Variants in ITGB6 observed in about 807,000 individuals in gnomAD.
The protein encoded by ITGB6 is integrin subunit beta 6.
In ITGB6, 80 loss-of-function variants were observed where a neutral mutation model predicts 84.5. The observed-to-expected ratio is 0.95, with a 90% CI of 0.79 to 1.14. ITGB6 has a LOEUF of 1.14. ITGB6 is among the 50% of genes most tolerant of loss of function. The probability of loss-of-function intolerance (pLI) is 0.00; values close to 1 mark genes in which losing one functional copy is unlikely to be tolerated. For missense variants in ITGB6, 1,006 were observed against 968.0 expected (o/e 1.04, Z -0.52); for synonymous variants, 383 against 354.9 (o/e 1.08, Z -0.89).
chr2:160,145,311 G>A (rs2105829360), intron 7 of ITGB6, among the ~76,000 whole-genome samples: 1 of 152,246 alleles, frequency 6.6e-6, no homozygotes, highest in South Asian at 2.1e-4. Flanking sequence ...TCTATCTGCA[G>A]ATTAACCGAA....
chr2:160,123,442 C>T (rs1331524165), intron 12 of ITGB6, among the ~76,000 whole-genome samples: 1 of 152,116 alleles, frequency 6.6e-6, no homozygotes, highest in Non-Finnish European at 1.5e-5. Context: ...AGGGTGAATT[C>T]AGGTTTGGGG....
In ITGB6 at chr2:160,107,839, G is replaced by A. The variant is rs369122182; in HGVS notation, c.2108C>T (p.Pro703Leu). The A allele has an allele frequency of 5.8e-5, 92 of 1,591,266 alleles. No individual in the cohort carries two copies. Among genetic ancestry groups the A allele is most frequent in the Non-Finnish European group, 2.3e-5 (27 of 1,165,238 alleles). The change falls in exon 14 of 15, where the codon CCG (proline) becomes CTG (leucine). Residue 703 changes from proline to leucine, a missense_variant. Physicochemically the swap from Pro to Leu is moderately conservative, Grantham distance 98 (BLOSUM62 -3). Coordinates refer to ENST00000283249, the MANE Select transcript of ITGB6 (RefSeq NM_000888.5). The stretch of plus-strand genomic sequence containing the variant: ...GATCATGGGAATGTTTGGAGGCTTC[G>A]GACAATCTGCAGAAATAAAGAAAAT... ...IIHSINEKDC[P>L]KPPNIPMIML... is the part of the protein sequence containing the mutation.
chr2:160,176,477 C>T (rs142965072), intron 4 of ITGB6, among the ~76,000 whole-genome samples: 105 of 152,290 alleles, frequency 6.9e-4, no homozygotes, highest in African/African-American at 2.5e-3. Context: ...TTAACTTTAA[C>T]TCTCAGAAGA....
At chr2:160,171,953 C>T (rs1685221541) in intron 6 of ITGB6, among the ~76,000 whole-genome samples, 1 of 152,148 alleles carries the variant, frequency 6.6e-6, no homozygotes, top group South Asian at 2.1e-4. Context: ...AACATGTGCA[C>T]AAGCATAGCA....
chr2:160,160,634 A>T (rs1684780363), intron 7 of ITGB6, among the ~76,000 whole-genome samples: 1 of 152,168 alleles, frequency 6.6e-6, no homozygotes, highest in African/African-American at 2.4e-5. Context: ...AACTCTTCTT[A>T]TGTCCCGGGG....
At chr2:160,195,679 A>T (rs1191023352) in intron 3 of ITGB6, 64 bp from the exon 4 acceptor site, 30 of 1,586,670 alleles carry the variant, frequency 1.9e-5, no homozygotes, top group Non-Finnish European at 2.5e-5. Context: ...GCTACTGGCC[A>T]CTCGCTGGGT....
chr2:160,111,258 G>A (rs990427224), intron 13 of ITGB6, among the ~76,000 whole-genome samples: 1 of 152,176 alleles, frequency 6.6e-6, no homozygotes, highest in Non-Finnish European at 1.5e-5. Context: ...GTAAGGGATG[G>A]CTTTGATTTC....
At chr2:160,182,820 A>T (rs1266727809) in intron 4 of ITGB6, among the ~76,000 whole-genome samples, 5 of 152,226 alleles carry the variant, frequency 3.3e-5, no homozygotes, top group African/African-American at 9.6e-5. Context: ...AAGCCAGAGG[A>T]GAGTAGGGGC....
chr2:160,179,390 C>CT (rs71297445), intron 4 of ITGB6, among the ~76,000 whole-genome samples: 15,810 of 131,098 alleles, frequency 0.12, 1,296 homozygotes, highest in South Asian at 0.26. Flanking sequence ...TTTTCTTTTT[C>CT]TTTTTTTTTT....
At chr2:160,196,090 T>C (rs1313882616) in intron 3 of ITGB6, 126 bp downstream of exon 3, 1 of 831,298 alleles carries the variant, frequency 1.2e-6, no homozygotes, top group Non-Finnish European at 1.9e-6. Flanking sequence ...TTCTATTTCC[T>C]TAAGAATGGG....
intron 10 of ITGB6, among the ~76,000 whole-genome samples, chr2:160,135,638 A>G (rs1210785575): frequency 1.3e-5 from 2 of 151,626 alleles, no homozygotes; most frequent in African/African-American, 4.8e-5. Flanking sequence ...GCATCATGCT[A>G]CCTGACTTCA....
chr2:160,180,966 C>T (rs79748476), intron 4 of ITGB6, among the ~76,000 whole-genome samples: 4 of 152,180 alleles, frequency 2.6e-5, no homozygotes, highest in Non-Finnish European at 4.4e-5. Context: ...CCAGATACTT[C>T]GCTTTTCCCA....
At chr2:160,134,858 T>A (rs1054709716) in intron 10 of ITGB6, among the ~76,000 whole-genome samples, 2 of 152,208 alleles carry the variant, frequency 1.3e-5, no homozygotes, top group Non-Finnish European at 2.9e-5. Context: ...TCAACAGCAC[T>A]TCCTGCTAAA....
chr2:160,115,856 G>A (rs1253278440), intron 12 of ITGB6, among the ~76,000 whole-genome samples: 5 of 152,110 alleles, frequency 3.3e-5, no homozygotes, highest in Non-Finnish European at 7.3e-5. Context: ...CGAGAACTAC[G>A]TGAAGAATGC....
chr2:160,188,375 T>A (rs967995929), intron 4 of ITGB6, among the ~76,000 whole-genome samples: 1 of 152,174 alleles, frequency 6.6e-6, no homozygotes, highest in Non-Finnish European at 1.5e-5. Context: ...ATTTACCACC[T>A]TAATGGTAAA....
chr2:160,156,207 T>C (rs1232188711), intron 7 of ITGB6, among the ~76,000 whole-genome samples: 2 of 152,200 alleles, frequency 1.3e-5, no homozygotes, highest in Non-Finnish European at 2.9e-5. Context: ...CTGTTGGGTA[T>C]TTGACCACAA....
chr2:160,112,181 G>A lies in ITGB6; in HGVS notation c.2000C>T (p.Ser667Phe). The change falls in exon 13 of 15, where the codon TCT (serine) becomes TTT (phenylalanine). Residue 667 changes from serine to phenylalanine, a missense_variant. Coordinates refer to ENST00000283249, the MANE Select transcript of ITGB6 (RefSeq NM_000888.5). The part of the protein sequence containing the change: ...SEEEDFSKDG[S>F]VSCSLQGENE... ...TTCTCCTTGCAGAGAGCAGGAAACA[G>A]AACCATCCTTTGAGAAATCTGCAGA... 1.2e-6 allele frequency: 2 copies of A among 1,611,806 alleles called. No homozygotes were observed. The highest frequency in any genetic ancestry group is 1.7e-6 in the Non-Finnish European group (2 of 1,178,742).
intron 13 of ITGB6, among the ~76,000 whole-genome samples, chr2:160,108,900 T>A (rs116033668): frequency 0.027 from 4,050 of 152,324 alleles, 70 homozygotes; most frequent in South Asian, 0.077. Context: ...GATACATTTC[T>A]TAATGAAACA....
intron 13 of ITGB6, among the ~76,000 whole-genome samples, chr2:160,111,504 G>A (rs971800953): frequency 2.0e-5 from 3 of 151,884 alleles, no homozygotes; most frequent in Non-Finnish European, 4.4e-5. Context: ...AAGACTCCAG[G>A]GGCACTCGGC....
Sources: gnomAD v4.1 joint callset for allele counts (sites outside exome capture counted in the v4.1 genomes callset) on GRCh38, gnomAD v4.1.1 for gene constraint, MANE v1.5 for transcripts, NCBI Gene and HGNC (gene_info 2026-07-23, HGNC 2026-07-21) for gene names.